The following NUP88 variants were observed in gnomAD, a reference collection of about 807,000 sequenced individuals.
NUP88 encodes nuclear pore complex protein Nup88.
In NUP88, 57 loss-of-function variants were observed where a neutral mutation model predicts 93.9. The observed-to-expected ratio is 0.61, with a 90% CI of 0.49 to 0.76. NUP88 has a LOEUF of 0.76. Among genes scored for constraint, NUP88 ranks in the 30% least tolerant of loss-of-function variants. The pLI is 0.00. For synonymous variants in NUP88, 346 were observed against 336.8 expected (o/e 1.03, Z -0.30); for missense variants, 911 against 901.0 (o/e 1.01, Z -0.14).
At chr17:5,417,484 ATACG>A (rs1296337524) in intron 1 of NUP88, among the ~76,000 whole-genome samples, 2 of 151,902 alleles carry the variant, frequency 1.3e-5, no homozygotes, top group East Asian at 3.9e-4. Flanking sequence ...AAAAAATAAA[ATACG>A]TTTTTAAAAA....
chr17:5,385,900 AGAATAAC>A lies in NUP88; in HGVS notation c.*299_*305del, dbSNP rs1911916576. ...CTGCTACTTTAAAACACAGCTCACAAGAATAACTAACTTGCTCAAATATGGAGAAAAC... is the reference window on the plus strand; with the variant it reads ...CTGCTACTTTAAAACACAGCTCACAATAACTTGCTCAAATATGGAGAAAAC... On this transcript the variant is annotated 3_prime_UTR_variant, in exon 17 of 17. Coordinates refer to ENST00000573584, the MANE Select transcript of NUP88 (RefSeq NM_002532.6). 2 of 288,664 alleles carry A rather than the reference AGAATAAC, an allele frequency of 6.9e-6. No individual in the cohort carries two copies. Among genetic ancestry groups the A allele is most frequent in the East Asian group, 1.2e-4 (2 of 16,888 alleles). The allele number at this position is 288,664 out of a possible 1,614,324, so 17.9% of individuals were successfully genotyped here.
At position 5,386,140 on chromosome 17, in the gene NUP88, GTT is replaced by G; in HGVS notation, c.*64_*65del. On this transcript the variant is annotated 3_prime_UTR_variant, in exon 17 of 17. Transcript: ENST00000573584. ...TTTTATAAATTAGATAATTCTACCT[GTT>G]TTACAATATGGGTTTAAGCCTTCAA... is the stretch of plus-strand genomic sequence containing the variant. The G allele has an allele frequency of 8.2e-7, 1 of 1,216,768 alleles. No homozygotes were observed. Among genetic ancestry groups the G allele is most frequent in the Non-Finnish European group, 1.2e-6 (1 of 852,648 alleles). 75.4% of individuals were successfully genotyped at this position (1,216,768 alleles called of 1,614,324 possible). A position where few individuals can be genotyped will look rare whatever the true frequency, so the allele number is the denominator to read the frequency against.
At chr17:5,404,625 T>G (rs2151642491) in intron 6 of NUP88, among the ~76,000 whole-genome samples, 1 of 151,792 alleles carries the variant, frequency 6.6e-6, no homozygotes, top group African/African-American at 2.4e-5. Flanking sequence ...CAAAAAATAA[T>G]AATAAAAAAT....
chr17:5,392,232 G>A (rs1053920554), intron 9 of NUP88, among the ~76,000 whole-genome samples: 3 of 152,154 alleles, frequency 2.0e-5, no homozygotes, highest in East Asian at 1.9e-4. Context: ...ATCTGCCCCC[G>A]AATGTGGATG....
Position 5,388,912 on chromosome 17 carries a change from A to C in NUP88, c.1533T>G (p.Asp511Glu). The change falls in exon 11 of 17, where the codon GAT (aspartate) becomes GAG (glutamate). Residue 511 changes from aspartate (D) to glutamate (E), a missense_variant. By Grantham distance (45) the Asp-to-Glu change is conservative. Transcript: ENST00000573584. ...ASPPLLCTRE[D>E]VEVAESPLRV... ...GGAGGGGAGACTCTGCCACTTCAAC[A>C]TCTTCTCGAGTACAAAGCAGGGGAG... is the stretch of plus-strand genomic sequence containing the variant. The C allele has an allele frequency of 6.2e-7, 1 of 1,613,960 alleles. No homozygotes were observed. The highest frequency in any genetic ancestry group is 8.5e-7 in the Non-Finnish European group (1 of 1,179,924).
Position 5,386,347 on chromosome 17 carries a change from A to G in NUP88, c.2163-78T>C, listed in dbSNP as rs981183407. The G allele has an allele frequency of 3.0e-5, 33 of 1,107,704 alleles. No individual in the cohort carries two copies. The African/African-American group carries it at 4.9e-4, about 16-fold the overall frequency. The allele number at this position is 1,107,704 out of a possible 1,614,324, so 68.6% of individuals were successfully genotyped here. Reference sequence around the variant, plus strand: ...GGATTCTTAAGAATTTAAACTGGTAATGTTGAAACATCTAAGAACTGCTTT... The same window carrying G: ...GGATTCTTAAGAATTTAAACTGGTAGTGTTGAAACATCTAAGAACTGCTTT... On this transcript the variant is annotated intron_variant, in intron 16 of 16. Coordinates refer to ENST00000573584, the MANE Select transcript of NUP88 (RefSeq NM_002532.6).
chr17:5,387,126 G>A lies in NUP88; in HGVS notation c.1917-16C>T. 1 of 1,611,886 alleles carries A rather than the reference G, an allele frequency of 6.2e-7. No homozygotes were observed. Among genetic ancestry groups the A allele is most frequent in the Non-Finnish European group, 8.5e-7 (1 of 1,179,206 alleles). On this transcript the variant is annotated splice_polypyrimidine_tract_variant and intron_variant, in intron 14 of 16. Coordinates refer to ENST00000573584, the MANE Select transcript of NUP88 (RefSeq NM_002532.6). ...TTTTTTCATCCTTTAGAAAAGGCAA[G>A]CAAACATCTCAATTTAAGGTCTCTA...
chr17:5,387,211 G>A, intron 14 of NUP88, 101 bp from the exon 15 acceptor site: 2 of 1,405,076 alleles, frequency 1.4e-6, no homozygotes, highest in Non-Finnish European at 9.8e-7. Context: ...TTCTGAAGTA[G>A]GCCCCATAGG....
chr17:5,390,861 A>AT (rs1259715161), intron 10 of NUP88, among the ~76,000 whole-genome samples: 1 of 151,864 alleles, frequency 6.6e-6, no homozygotes, highest in African/African-American at 2.4e-5. Context: ...TGCCTGGCTA[A>AT]TTTTTTTGTT....
At chr17:5,419,292 G>T in intron 1 of NUP88, 62 bp downstream of exon 1, 1 of 1,477,392 alleles carries the variant, frequency 6.8e-7, no homozygotes. Flanking sequence ...AGAGGAGCAA[G>T]GAACAAAAAA....
rs1326224186 is a variant in NUP88 at position 5,387,771 on chromosome 17, C to T, written c.1769+8G>A. ...GGATCGATGGTTTGTGAACACAGGA[C>T]ATCATACCTCCGCTGAATCTCCTCC... On this transcript the variant is annotated splice_region_variant and intron_variant, in intron 12 of 16. Coordinates refer to ENST00000573584, the MANE Select transcript of NUP88 (RefSeq NM_002532.6). 7 of 1,612,210 alleles carry T rather than the reference C, an allele frequency of 4.3e-6. No homozygotes were observed. The highest frequency in any genetic ancestry group is 5.9e-6 in the Non-Finnish European group (7 of 1,179,064).
chr17:5,409,374 CAAAA>C (rs10611297), intron 4 of NUP88, among the ~76,000 whole-genome samples: 45,516 of 98,756 alleles, frequency 0.46, 7,255 homozygotes, highest in East Asian at 0.77. Context: ...AACTCCGTCT[CAAAA>C]AAAAAAAAAA....
chr17:5,405,187 T>A lies in NUP88; in HGVS notation c.914A>T (p.Asp305Val). 1 of 1,614,174 alleles carries A rather than the reference T, an allele frequency of 6.2e-7. No homozygotes were observed. Among genetic ancestry groups the A allele is most frequent in the Non-Finnish European group, 8.5e-7 (1 of 1,180,020 alleles). ...GPLPMHPAAEDNYGYDACAVL... is the reference protein window; with the variant it reads ...GPLPMHPAAEVNYGYDACAVL... ...AGCACACGCATCATAACCATAGTTA[T>A]CTTCAGCCGCAGGATGCATGGGCAA... Residue 305 changes from aspartate (D) to valine (V), a missense_variant, in exon 6 of 17, where the codon GAT becomes GTT. Coordinates refer to ENST00000573584, the MANE Select transcript of NUP88 (RefSeq NM_002532.6).
rs547791830 is a variant in NUP88, at chr17:5,404,154, A to C, written c.1137T>G (p.Ser379=). 1.2e-6 allele frequency: 2 copies of C among 1,614,190 alleles called. No individual in the cohort carries two copies. Among genetic ancestry groups the C allele is most frequent in the African/African-American group, 2.7e-5 (2 of 75,068 alleles). Residue 379 remains serine, a synonymous_variant, in exon 7 of 17, where the codon TCT becomes TCG. Coordinates refer to ENST00000573584, the MANE Select transcript of NUP88 (RefSeq NM_002532.6). The part of the protein sequence containing the change: ...VELELALKLA[S]GEDDPFDSDF... The stretch of plus-strand genomic sequence containing the variant: ...CAGAATCAAAAGGGTCATCCTCTCC[A>C]GATGCCAGTTTCAAAGCAAGCTCCA...
chr17:5,412,722 T>C (rs1277511195), intron 3 of NUP88, among the ~76,000 whole-genome samples: 4 of 151,532 alleles, frequency 2.6e-5, no homozygotes, highest in African/African-American at 9.7e-5. Context: ...CAGAGTTCAC[T>C]AGTGACAGAT....
chr17:5,386,092 C>A lies in NUP88; in HGVS notation c.*114G>T. 1.4e-6 allele frequency: 1 copy of A among 728,836 alleles called. No individual in the cohort carries two copies. Among genetic ancestry groups the A allele is most frequent in the Non-Finnish European group, 2.3e-6 (1 of 434,892 alleles). 45.1% of individuals were successfully genotyped at this position (728,836 alleles called of 1,614,324 possible). A position where few individuals can be genotyped will look rare whatever the true frequency, so the allele number is the denominator to read the frequency against. On this transcript the variant is annotated 3_prime_UTR_variant, in exon 17 of 17. Transcript: ENST00000573584. Reference sequence around the variant, plus strand: ...ACAACATATTTAAAAAGATGAACCACACCAAAGGTCATCAAAACACCTTTT... The same window carrying A: ...ACAACATATTTAAAAAGATGAACCAAACCAAAGGTCATCAAAACACCTTTT...
chr17:5,415,106 G>A (rs1208970546), intron 2 of NUP88, among the ~76,000 whole-genome samples: 1 of 151,748 alleles, frequency 6.6e-6, no homozygotes, highest in Admixed American at 6.6e-5. Context: ...TGCAACCTCC[G>A]CCTCCTGGAT....
chr17:5,408,723 C>G lies in NUP88; in HGVS notation c.857+10G>C, dbSNP rs375931353. On this transcript the variant is annotated intron_variant, in intron 5 of 16. Transcript: ENST00000573584. The stretch of plus-strand genomic sequence containing the variant: ...GTTTTCATTTCAGGTGGGTGACCAC[C>G]TCAACTTACCTGTGTAACAGACTGA... The G allele has an allele frequency of 7.9e-4, 1,250 of 1,572,740 alleles. 5 individuals carry two copies. The highest frequency in any genetic ancestry group is 3.1e-3 in the Middle Eastern group (18 of 5,864).
chr17:5,387,736 T>C (rs754758514), intron 12 of NUP88, 43 bp downstream of exon 12: 5 of 1,607,616 alleles, frequency 3.1e-6, no homozygotes, highest in African/African-American at 2.7e-5. Flanking sequence ...CAGCATCAGC[T>C]ACCAGCCAGG....
Sources: allele counts gnomAD v4.1 joint callset (sites outside exome capture counted in the v4.1 genomes callset), GRCh38; gene constraint gnomAD v4.1.1; transcripts MANE v1.5; gene names NCBI Gene and HGNC (gene_info 2026-07-23, HGNC 2026-07-21).